The following TTC28 variants were observed in gnomAD, a reference collection of about 807,000 sequenced individuals.
TTC28 encodes the protein tetratricopeptide repeat domain 28.
A neutral mutation model predicts 198.0 loss-of-function variants in TTC28; 61 were observed. That is an observed-to-expected ratio of 0.31 (90% CI 0.25 to 0.38). The LOEUF is 0.38. Ranked by LOEUF, TTC28 falls within the 10% of genes least tolerant of loss-of-function variation. The probability of loss-of-function intolerance (pLI) is 1.00; values close to 1 mark genes in which losing one functional copy is unlikely to be tolerated. For synonymous variants in TTC28, 1,171 were observed against 1,297.8 expected, an observed-to-expected ratio of 0.90 and a Z score of 2.10; for missense variants, 2,678 against 3,164.0, an observed-to-expected ratio of 0.85 and a Z score of 3.69.
At chr22:28,354,826 C>T (rs2046050030) in intron 2 of TTC28, among the ~76,000 whole-genome samples, 1 of 151,148 alleles carries the variant, frequency 6.6e-6, no homozygotes, top group Non-Finnish European at 1.5e-5. Context: ...AAAGAATACT[C>T]TTTTTTTTTA....
intron 2 of TTC28, among the ~76,000 whole-genome samples, chr22:28,595,789 T>A (rs533876289): frequency 4.6e-4 from 70 of 152,276 alleles, no homozygotes; most frequent in Non-Finnish European, 9.0e-4. Context: ...CTGGGCATGG[T>A]GGCACGCGCC....
chr22:28,644,490 C>T (rs1199062583), intron 1 of TTC28, among the ~76,000 whole-genome samples: 1 of 151,312 alleles, frequency 6.6e-6, no homozygotes, highest in Non-Finnish European at 1.5e-5. Context: ...ACCTGAATGA[C>T]CCATGCTAGA....
intron 2 of TTC28, among the ~76,000 whole-genome samples, chr22:28,553,353 C>A (rs962777932): frequency 2.0e-4 from 31 of 151,884 alleles, no homozygotes; most frequent in Non-Finnish European, 1.3e-4. Flanking sequence ...GCCCCTCTTC[C>A]CAGCCGACAT....
rs1738494203 is a variant in TTC28, at chr22:28,474,030, C to A, written c.381+155522G>T. Among the ~76,000 whole-genome samples, 3 of 152,300 alleles carry A rather than the reference C, an allele frequency of 2.0e-5. No homozygotes were observed. In the South Asian group the frequency reaches 6.2e-4, roughly 32 times the overall value. On this transcript the variant is annotated intron_variant, in intron 2 of 22. Coordinates refer to ENST00000397906, the MANE Select transcript of TTC28 (RefSeq NM_001145418.2). ...TTACAGGAGCCTTAGCAAACTAATA[C>A]AATTCTATTAATACCCTGCTAAAAT...
At chr22:28,534,529 G>A (rs997616699) in intron 2 of TTC28, among the ~76,000 whole-genome samples, 1 of 152,190 alleles carries the variant, frequency 6.6e-6, no homozygotes, top group African/African-American at 2.4e-5. Context: ...TTTAGAACTA[G>A]AAATACGATT....
At chr22:28,587,440 A>G (rs2050338126) in intron 2 of TTC28, among the ~76,000 whole-genome samples, 1 of 152,186 alleles carries the variant, frequency 6.6e-6, no homozygotes, top group Non-Finnish European at 1.5e-5. Context: ...AAATTTTTAT[A>G]CAGGCCTTTC....
At chr22:28,146,346 G>C (rs1464899237) in intron 6 of TTC28, among the ~76,000 whole-genome samples, 1 of 152,228 alleles carries the variant, frequency 6.6e-6, no homozygotes, top group East Asian at 1.9e-4. Context: ...TTAGCACATA[G>C]GTGCTTCTTA....
At chr22:28,370,873 C>T (rs1388567005) in intron 2 of TTC28, among the ~76,000 whole-genome samples, 3 of 152,144 alleles carry the variant, frequency 2.0e-5, no homozygotes, top group Non-Finnish European at 2.9e-5. Flanking sequence ...TGTTAGAAGG[C>T]GGAAACTCAG....
chr22:27,982,301 C>A lies in TTC28; in HGVS notation c.7366G>T (p.Ala2456Ser). The A allele has an allele frequency of 6.6e-7, 1 of 1,518,062 alleles. No individual in the cohort carries two copies. Among genetic ancestry groups the A allele is most frequent in the Non-Finnish European group, 8.8e-7 (1 of 1,131,156 alleles). 94.0% of individuals were successfully genotyped at this position (1,518,062 alleles called of 1,614,324 possible). Residue 2456 changes from alanine to serine, a missense_variant, in exon 23 of 23, where the codon GCG becomes TCG. Coordinates refer to ENST00000397906, the MANE Select transcript of TTC28 (RefSeq NM_001145418.2). This position sits in a 1 kb window ranked among gnomAD's most constrained non-coding sequence, Gnocchi z 5.2. ...CCAGAAGGAAGCCTCAAAGGGCGCG[C>A]GGGGGCTGTGGCGGGAGGGCCGGCG... ...LPAGPPATAP[A>S]RPLRLPSGNG...
At chr22:28,234,149 G>A (rs370712741) in intron 5 of TTC28, among the ~76,000 whole-genome samples, 6 of 151,810 alleles carry the variant, frequency 4.0e-5, no homozygotes, top group African/African-American at 9.7e-5. Flanking sequence ...CTCGTGATCC[G>A]CCGGCCTCGG....
At chr22:28,179,214 C>T (rs1923469229) in intron 5 of TTC28, among the ~76,000 whole-genome samples, 1 of 149,580 alleles carries the variant, frequency 6.7e-6, no homozygotes, top group Non-Finnish European at 1.5e-5. Context: ...GCCTGGAGTG[C>T]AGTGGTGCAA....
At chr22:28,002,197 C>T (rs951275702) in intron 14 of TTC28, 1 of 153,654 alleles carries the variant, frequency 6.5e-6, no homozygotes, top group African/African-American at 2.4e-5. Flanking sequence ...CGGACACAGC[C>T]TCATTCCTGT....
chr22:28,561,353 G>A (rs2049876669), intron 2 of TTC28, among the ~76,000 whole-genome samples: 2 of 152,168 alleles, frequency 1.3e-5, no homozygotes, highest in South Asian at 4.1e-4. Context: ...TGGGATTACA[G>A]GCGTGAGACA....
chr22:28,188,038 G>T (rs559064960), intron 5 of TTC28, among the ~76,000 whole-genome samples: 45 of 152,128 alleles, frequency 3.0e-4, no homozygotes, highest in Non-Finnish European at 5.0e-4. Flanking sequence ...GCTAGGTCCG[G>T]GAAATATAAA....
intron 2 of TTC28, among the ~76,000 whole-genome samples, chr22:28,318,812 C>CTTTTTTTTTTTTTTTTTTTTTTTTTT (rs71316836): frequency 3.3e-5 from 2 of 61,324 alleles, no homozygotes; most frequent in Non-Finnish European, 5.6e-5. Flanking sequence ...GAAGTGTATT[C>CTTTTTTTTTTTTTTTTTTTTTTTTTT]TTTTTTTTTT....
chr22:28,387,091 G>A (rs922592802), intron 2 of TTC28, among the ~76,000 whole-genome samples: 4 of 152,088 alleles, frequency 2.6e-5, no homozygotes, highest in African/African-American at 9.7e-5. Flanking sequence ...AGAATATGCG[G>A]TGTTTGGTTT....
At chr22:28,162,666 G>T (rs1034570456) in intron 6 of TTC28, among the ~76,000 whole-genome samples, 4 of 152,208 alleles carry the variant, frequency 2.6e-5, no homozygotes, top group Non-Finnish European at 5.9e-5. Context: ...TCTAAAGAAA[G>T]AGGCCAGGTA....
intron 2 of TTC28, among the ~76,000 whole-genome samples, chr22:28,363,507 C>T (rs184487016): frequency 1.3e-5 from 2 of 152,294 alleles, no homozygotes; most frequent in African/African-American, 4.8e-5. Flanking sequence ...GAAGCCCCCA[C>T]ACAGAGTCCC....
At chr22:28,114,904 T>A (rs562337868) in intron 6 of TTC28, among the ~76,000 whole-genome samples, 1 of 152,160 alleles carries the variant, frequency 6.6e-6, no homozygotes, top group Non-Finnish European at 1.5e-5. Context: ...TATTTTTAAA[T>A]GCAGGTAATT....
Sources: allele counts gnomAD v4.1 joint callset (sites outside exome capture counted in the v4.1 genomes callset), GRCh38; gene constraint gnomAD v4.1.1; non-coding constraint Gnocchi (gnomAD v3.1); transcripts MANE v1.5; gene names NCBI Gene and HGNC (gene_info 2026-07-23, HGNC 2026-07-21).